PIP4K2A: variants seen among roughly 807,000 people sequenced by gnomAD.
PIP4K2A encodes phosphatidylinositol-5-phosphate 4-kinase type 2 alpha, also known as phosphatidylinositol 5-phosphate 4-kinase type-2 alpha.
A neutral mutation model predicts 42.9 loss-of-function variants in PIP4K2A; 14 were observed. That is an observed-to-expected ratio of 0.33 (90% confidence interval 0.22 to 0.51). The LOEUF (loss-of-function observed/expected upper bound fraction) is 0.51. Ranked by LOEUF, PIP4K2A falls within the 20% of genes least tolerant of loss-of-function variation. The probability of loss-of-function intolerance (pLI) is 0.97; values close to 1 mark genes in which losing one functional copy is unlikely to be tolerated. For synonymous variants in PIP4K2A, 192 were observed against 192.2 expected (o/e 1.00, Z 0.01); for missense variants, 434 against 519.8 (o/e 0.83, Z 1.61).
At chr10:22,664,060 T>TATACACACACACACACAC (rs570101374) in intron 1 of PIP4K2A, among the ~76,000 whole-genome samples, 8 of 83,100 alleles carry the variant, frequency 9.6e-5, no homozygotes, top group Non-Finnish European at 1.3e-4. Context: ...TATGTATATA[T>TATACACACACACACACAC]ACATATATAT....
rs1837577528 is a variant in PIP4K2A, at chr10:22,594,206, C to T, written c.340-2425G>A. 2.0e-5 allele frequency among the ~76,000 whole-genome samples: 3 copies of T among 152,170 alleles called. No individual in the cohort carries two copies. The South Asian group carries it at 6.2e-4, about 32-fold the overall frequency. On this transcript the variant is annotated intron_variant, in intron 3 of 9. Coordinates refer to ENST00000376573, the MANE Select transcript of PIP4K2A (RefSeq NM_005028.5). ...TTTACTGGCATGCAGCACGTAAAGTCTAGCGTATTAAGTACATTATAATTA... is the reference window on the plus strand; with the variant it reads ...TTTACTGGCATGCAGCACGTAAAGTTTAGCGTATTAAGTACATTATAATTA...
Position 22,674,034 on chromosome 10 carries a change from GTGT to G in PIP4K2A, c.144+40146_144+40148del, listed in dbSNP as rs1470656615. 2.0e-5 allele frequency among the ~76,000 whole-genome samples: 3 copies of G among 152,270 alleles called. No homozygotes were observed. In the East Asian group the frequency reaches 5.8e-4, roughly 29 times the overall value. On this transcript the variant is annotated intron_variant, in intron 1 of 9. Coordinates refer to ENST00000376573, the MANE Select transcript of PIP4K2A (RefSeq NM_005028.5). ...ACTTACTTTCTTCAGCAATGTGTGT[GTGT>G]TTTTTTAACCCCATTGTCTTGGTTA...
intron 1 of PIP4K2A, among the ~76,000 whole-genome samples, chr10:22,680,151 T>A (rs1839631766): frequency 6.6e-6 from 1 of 152,094 alleles, no homozygotes; most frequent in Non-Finnish European, 1.5e-5. Context: ...ATGAAGACCA[T>A]GCACTACTTT....
At chr10:22,625,319 G>A (rs867829504) in intron 1 of PIP4K2A, among the ~76,000 whole-genome samples, 1 of 152,072 alleles carries the variant, frequency 6.6e-6, no homozygotes, top group South Asian at 2.1e-4. Context: ...AATCTCTAAC[G>A]GAGAGCAAAA....
At chr10:22,628,624 A>G (rs1838492997) in intron 1 of PIP4K2A, among the ~76,000 whole-genome samples, 1 of 152,240 alleles carries the variant, frequency 6.6e-6, no homozygotes, top group African/African-American at 2.4e-5. Context: ...TATCAGATAC[A>G]CGTAAGATTC....
chr10:22,648,616 T>C (rs958352619), intron 1 of PIP4K2A, among the ~76,000 whole-genome samples: 5 of 152,200 alleles, frequency 3.3e-5, no homozygotes, highest in African/African-American at 1.2e-4. Context: ...CCTTTTCTTA[T>C]GCAGTTTATC....
intron 3 of PIP4K2A, among the ~76,000 whole-genome samples, chr10:22,599,369 C>G (rs149195541): frequency 1.4e-3 from 218 of 152,328 alleles, no homozygotes; most frequent in African/African-American, 5.0e-3. Flanking sequence ...CTCTATATAT[C>G]TGCCCATTCT....
intron 7 of PIP4K2A, among the ~76,000 whole-genome samples, chr10:22,546,194 A>C (rs1258850531): frequency 6.6e-6 from 1 of 152,210 alleles, no homozygotes; most frequent in African/African-American, 2.4e-5. Flanking sequence ...CACTCACCTC[A>C]CAGGGGTGTC....
chr10:22,540,137 TGAGGGAGGGAGG>T, intron 8 of PIP4K2A, 63 bp from the exon 9 acceptor site: 1 of 759,444 alleles, frequency 1.3e-6, no homozygotes, highest in Non-Finnish European at 2.4e-6. Context: ...GCATTGCTGC[TGAGGGAGGGAGG>T]GAGGGAGAAG....
At chr10:22,691,912 C>T (rs2130900150) in intron 1 of PIP4K2A, 1 of 152,314 alleles carries the variant, frequency 6.6e-6, no homozygotes, top group Non-Finnish European at 1.5e-5. Flanking sequence ...CAATAGAAAA[C>T]CATCTTATAG....
In PIP4K2A at chr10:22,536,730, A is replaced by AAAAAAAAAACAAAACAAAAC. The variant is rs1835936594; in HGVS notation, c.*470_*471insGTTTTGTTTTGTTTTTTTTT. ...TTTCAACTCCAAAAAAAAAAAAAAA[A>AAAAAAAAAACAAAACAAAAC]AAAAAAAACTGATCCACAGTTTGTT... On this transcript the variant is annotated 3_prime_UTR_variant, in exon 10 of 10. Transcript: ENST00000376573. The AAAAAAAAAACAAAACAAAAC allele has an allele frequency of 6.7e-6, 1 of 148,768 alleles. No homozygotes were observed. Among genetic ancestry groups the AAAAAAAAAACAAAACAAAAC allele is most frequent in the African/African-American group, 2.5e-5 (1 of 40,680 alleles). 9.2% of individuals were successfully genotyped at this position (148,768 alleles called of 1,614,324 possible).
Position 22,541,838 on chromosome 10 carries a change from C to T in PIP4K2A, c.1002G>A (p.Pro334=), listed in dbSNP as rs757400443. 9.5e-6 allele frequency: 15 copies of T among 1,578,500 alleles called. No individual in the cohort carries two copies. The highest frequency in any genetic ancestry group is 7.0e-5 in the South Asian group (6 of 85,114). ...ACTTAATTCCATAGACGTCGATGTT[C>T]GGATCGAACTCCCCGGGAGCCAGGG... ...SPPLAPGEFD[P]NIDVYGIKCH... The change falls in exon 8 of 10, where the codon CCG becomes CCA. Residue 334 remains proline, a synonymous_variant. Transcript: ENST00000376573.
chr10:22,608,489 A>T (rs1211935262), intron 2 of PIP4K2A, among the ~76,000 whole-genome samples: 1 of 152,202 alleles, frequency 6.6e-6, no homozygotes, highest in Non-Finnish European at 1.5e-5. Flanking sequence ...GCTTAGAGGA[A>T]ATTCCCTGAA....
At chr10:22,602,705 T>C (rs1203278867) in intron 3 of PIP4K2A, among the ~76,000 whole-genome samples, 1 of 152,138 alleles carries the variant, frequency 6.6e-6, no homozygotes, top group Non-Finnish European at 1.5e-5. Flanking sequence ...CAAGTATTTC[T>C]TATTTACTTA....
At chr10:22,669,460 G>GA (rs892385894) in intron 1 of PIP4K2A, among the ~76,000 whole-genome samples, 2 of 151,344 alleles carry the variant, frequency 1.3e-5, no homozygotes, top group Non-Finnish European at 2.9e-5. Flanking sequence ...ATGCATAAAT[G>GA]AAAAAAACAA....
At chr10:22,546,563 C>G (rs764018063) in intron 7 of PIP4K2A, among the ~76,000 whole-genome samples, 5 of 152,080 alleles carry the variant, frequency 3.3e-5, no homozygotes, top group Non-Finnish European at 7.4e-5. Context: ...AGGCATGCAC[C>G]ACCACGTTTG....
At chr10:22,552,140 C>T (rs567506547) in intron 6 of PIP4K2A, among the ~76,000 whole-genome samples, 1 of 152,234 alleles carries the variant, frequency 6.6e-6, no homozygotes, top group Admixed American at 6.5e-5. Context: ...AGATTCAATT[C>T]AATCAGCAGT....
At chr10:22,689,682 A>T (rs4748820) in intron 1 of PIP4K2A, among the ~76,000 whole-genome samples, 2 of 152,154 alleles carry the variant, frequency 1.3e-5, no homozygotes, top group South Asian at 4.1e-4. Flanking sequence ...GATGACTGTA[A>T]ACAGATTTCA....
chr10:22,644,839 G>T (rs568866258), intron 1 of PIP4K2A, among the ~76,000 whole-genome samples: 2 of 152,242 alleles, frequency 1.3e-5, no homozygotes, highest in East Asian at 3.9e-4. Context: ...ATAAATAAAT[G>T]AACTAAATGA....
Sources: allele counts gnomAD v4.1 joint callset (sites outside exome capture counted in the v4.1 genomes callset), GRCh38; gene constraint gnomAD v4.1.1; transcripts MANE v1.5; gene names NCBI Gene and HGNC (gene_info 2026-07-23, HGNC 2026-07-21).